USH1C: variants seen among roughly 807,000 people sequenced by gnomAD.
The protein encoded by USH1C is harmonin.
USH1C carries 90 observed loss-of-function variants against 119.3 expected under a neutral mutation model. The ratio of observed to expected loss-of-function variants is 0.75; its 90% CI spans 0.64 to 0.90. The LOEUF is 0.90. USH1C is among the 40% of genes least tolerant of loss of function. The pLI is 0.00. For synonymous variants in USH1C, 465 were observed against 443.3 expected (o/e 1.05, Z -0.62); for missense variants, 1,165 against 1,167.7 (o/e 1.00, Z 0.03).
At chr11:17,529,992 A>G (rs1383661550) in intron 4 of USH1C, among the ~76,000 whole-genome samples, 5 of 152,232 alleles carry the variant, frequency 3.3e-5, no homozygotes, top group Non-Finnish European at 4.4e-5. Flanking sequence ...TCTGAGCTGG[A>G]AAATGTGCTG....
At position 17,494,337 on chromosome 11, in the gene USH1C, G is replaced by A. The variant is rs757572697; in HGVS notation, c.2695C>T (p.Arg899Cys). 18 of 1,607,562 alleles carry A rather than the reference G, an allele frequency of 1.1e-5. No homozygotes were observed. The highest frequency in any genetic ancestry group is 7.8e-5 in the South Asian group (7 of 89,370). The change falls in exon 27 of 27, where the codon CGT (arginine) becomes TGT (cysteine). Residue 899 changes from arginine (R) to cysteine (C), a missense_variant. By Grantham distance (180) the Arg-to-Cys change is radical. Transcript: ENST00000005226. Reference protein sequence around the residue: ...LKSKRGNQIHR With the variant: ...LKSKRGNQIHC ...GGGCCGGAGCTCACTGTTTCCTAAC[G>A]GTGAATTTGGTTTCCCCTTTTGGAC...
chr11:17,505,984 T>C (rs61880338), intron 18 of USH1C, 35 bp from the exon 19 acceptor site: 1 of 1,613,754 alleles, frequency 6.2e-7, no homozygotes. Flanking sequence ...CCAGGTGAGG[T>C]CATGGTGGGG....
chr11:17,511,941 C>G lies in USH1C; in HGVS notation c.1374G>C (p.Glu458Asp), dbSNP rs1565036782. 6.2e-7 allele frequency: 1 copy of G among 1,614,130 alleles called. No individual in the cohort carries two copies. The highest frequency in any genetic ancestry group is 1.7e-5 in the Admixed American group (1 of 59,998). The change falls in exon 16 of 27, where the codon GAG (glutamate) becomes GAC (aspartate). Residue 458 changes from glutamate (E) to aspartate (D), a missense_variant. Coordinates refer to ENST00000005226, the MANE Select transcript of USH1C (RefSeq NM_153676.4). ...KLYKEKEEML[E>D]KEKQLKINRL... ...GGTTGATCTTTAGCTGCTTTTCCTT[C>G]TCCAGCATTTCCTCTTTCTCTTTGT...
Position 17,501,511 on chromosome 11 carries a change from TC to T in USH1C, c.2250del (p.Lys751ArgfsTer14). The T allele has an allele frequency of 6.2e-7, 1 of 1,613,132 alleles. No individual in the cohort carries two copies. The highest frequency in any genetic ancestry group is 1.1e-5 in the South Asian group (1 of 90,748). On this transcript the variant is annotated frameshift_variant, in exon 22 of 27. Transcript: ENST00000005226. LOFTEE classifies it high-confidence loss of function. ...YSMFTPEQIM[G>X]KDVRLLRIKK... is the part of the protein sequence containing the mutation. ...TTGATGCGTAGGAGCCGGACATCCT[TC>T]CCCATGATCTGCTCTGGGGTGAACT... is the stretch of plus-strand genomic sequence containing the variant.
In USH1C at chr11:17,532,491, G is replaced by A. The variant is rs373527801; in HGVS notation, c.104+764C>T. On this transcript the variant is annotated intron_variant, in intron 2 of 26. Coordinates refer to ENST00000005226, the MANE Select transcript of USH1C (RefSeq NM_153676.4). ...TTTTTGTATTTTTTTGTAGAGATGGGATTTCACCATGTTGCCCAGGCTGGT... is the reference window on the plus strand; with the variant it reads ...TTTTTGTATTTTTTTGTAGAGATGGAATTTCACCATGTTGCCCAGGCTGGT... 2.4e-4 allele frequency among the ~76,000 whole-genome samples: 36 copies of A among 152,088 alleles called. No individual in the cohort carries two copies. In the East Asian group the frequency reaches 4.5e-3, roughly 19 times the overall value.
At chr11:17,506,079 C>T (rs959331569) in intron 18 of USH1C, 130 bp from the exon 19 acceptor site, 9 of 1,355,810 alleles carry the variant, frequency 6.6e-6, no homozygotes, top group Admixed American at 1.9e-5. Flanking sequence ...TTCAACTGCT[C>T]GAGGTCCTGG....
In USH1C at chr11:17,509,709, G is replaced by T; in HGVS notation, c.1660C>A (p.Pro554Thr). 6.2e-7 allele frequency: 1 copy of T among 1,600,348 alleles called. No individual in the cohort carries two copies. Among genetic ancestry groups the T allele is most frequent in the Non-Finnish European group, 8.5e-7 (1 of 1,179,378 alleles). The change falls in exon 18 of 27, where the codon CCC becomes ACC. Residue 554 changes from proline to threonine, a missense_variant. Coordinates refer to ENST00000005226, the MANE Select transcript of USH1C (RefSeq NM_153676.4). ...GGCAAGGCAGAGGGAGTCTTGGGGG[G>T]ATAGTAGAACATGTCCAAAGGGATG... is the stretch of plus-strand genomic sequence containing the variant. ...DDIPLDMFYY[P>T]PKTPSALPVM...
intron 26 of USH1C, chr11:17,495,137 G>A (rs1849201069): frequency 4.1e-6 from 1 of 243,984 alleles, no homozygotes; most frequent in Admixed American, 4.9e-5. Flanking sequence ...TCACAGGAAG[G>A]GGAATTTTCA....
intron 8 of USH1C, among the ~76,000 whole-genome samples, chr11:17,525,180 C>A (rs1190223031): frequency 6.6e-6 from 1 of 152,196 alleles, no homozygotes; most frequent in African/African-American, 2.4e-5. Context: ...CTTTAGAATG[C>A]TTTTCAAAGC....
chr11:17,541,511 T>C (rs573968155), intron 1 of USH1C, among the ~76,000 whole-genome samples: 8 of 152,246 alleles, frequency 5.3e-5, no homozygotes, highest in Admixed American at 2.6e-4. Flanking sequence ...AAATGCATGA[T>C]TGCTGAAGAG....
At chr11:17,501,561 C>G (rs779277441) in intron 21 of USH1C, 26 bp from the exon 22 acceptor site, 32 of 1,606,114 alleles carry the variant, frequency 2.0e-5, no homozygotes, top group Non-Finnish European at 2.7e-5. Flanking sequence ...CAGTGGGAAG[C>G]TTTGAGCTGG....
intron 7 of USH1C, 67 bp from the exon 8 acceptor site, chr11:17,526,508 G>T: frequency 7.1e-7 from 1 of 1,399,878 alleles, no homozygotes; most frequent in East Asian, 2.4e-5. Flanking sequence ...TTGAGCTTGT[G>T]GGATCTGCAG....
Position 17,504,700 on chromosome 11 carries a change from G to T in USH1C, c.2134-3C>A. 6.2e-7 allele frequency: 1 copy of T among 1,613,570 alleles called. No homozygotes were observed. The highest frequency in any genetic ancestry group is 1.1e-5 in the South Asian group (1 of 91,052). On this transcript the variant is annotated splice_region_variant and splice_polypyrimidine_tract_variant and intron_variant, in intron 19 of 26. Coordinates refer to ENST00000005226, the MANE Select transcript of USH1C (RefSeq NM_153676.4). Reference sequence around the variant, plus strand: ...ATCCTCTTCAACATCTCCTGTGGCTGCCAGAGGAAAAAAAAAAAAGTTCCA... The same window carrying T: ...ATCCTCTTCAACATCTCCTGTGGCTTCCAGAGGAAAAAAAAAAAAGTTCCA...
intron 23 of USH1C, among the ~76,000 whole-genome samples, chr11:17,500,749 C>T (rs549129871): frequency 1.1e-4 from 16 of 152,290 alleles, no homozygotes; most frequent in South Asian, 2.1e-4. Flanking sequence ...CTGAGTTCCC[C>T]GTCAGCCCTT....
rs1410562634 is a variant in USH1C, at chr11:17,531,693, C to G, written c.105-151G>C. On this transcript the variant is annotated intron_variant, in intron 2 of 26. Transcript: ENST00000005226. This position sits in a 1 kb window ranked among gnomAD's most constrained non-coding sequence, Gnocchi z 4.2. ...AAAGCCCAGAGCTCTTCACACCGGG[C>G]CAGTGCCTGAGAAGACTTTGTTCTC... The G allele has an allele frequency of 5.1e-6, 5 of 981,798 alleles. No homozygotes were observed. The highest frequency in any genetic ancestry group is 7.6e-6 in the Non-Finnish European group (5 of 660,918). 60.8% of individuals were successfully genotyped at this position (981,798 alleles called of 1,614,324 possible).
intron 15 of USH1C, among the ~76,000 whole-genome samples, chr11:17,514,937 G>T (rs566712602): frequency 6.6e-6 from 1 of 152,070 alleles, no homozygotes; most frequent in African/African-American, 2.4e-5. Flanking sequence ...CTGATGGGAG[G>T]TGGTATGTGG....
Position 17,511,925 on chromosome 11 carries a change from T to A in USH1C, c.1390A>T (p.Lys464Ter). The A allele has an allele frequency of 6.2e-7, 1 of 1,614,012 alleles. No homozygotes were observed. ...EEMLEKEKQLKINRLAQEVSE... is the reference protein window; with the variant it reads ...EEMLEKEKQL ...ACCTCCTGGGCCAGCCGGTTGATCT[T>A]TAGCTGCTTTTCCTTCTCCAGCATT... The change falls in exon 16 of 27, where the codon AAG becomes TAG. Residue 464 changes from lysine (K) to a stop codon, truncating the protein, a stop_gained. Coordinates refer to ENST00000005226, the MANE Select transcript of USH1C (RefSeq NM_153676.4). LOFTEE classifies it high-confidence loss of function.
intron 19 of USH1C, 123 bp downstream of exon 19, chr11:17,505,707 G>T: frequency 7.0e-7 from 1 of 1,424,188 alleles, no homozygotes; most frequent in East Asian, 2.4e-5. Context: ...AAGGTTAAGA[G>T]ATGGCATCTG....
chr11:17,527,340 C>T lies in USH1C; in HGVS notation c.388-9G>A, dbSNP rs1850749845. The T allele has an allele frequency of 6.2e-7, 1 of 1,601,098 alleles. No homozygotes were observed. On this transcript the variant is annotated splice_polypyrimidine_tract_variant and intron_variant, in intron 4 of 26. Transcript: ENST00000005226. ...ACGATCTCGTCCCCTACCTTGACCA[C>T]AGAGAGAGGCAGGGAGCACCAGGTG...
Sources: allele counts gnomAD v4.1 joint callset (sites outside exome capture counted in the v4.1 genomes callset), GRCh38; gene constraint gnomAD v4.1.1; non-coding constraint Gnocchi (gnomAD v3.1); transcripts MANE v1.5; gene names NCBI Gene and HGNC (gene_info 2026-07-23, HGNC 2026-07-21).